SULF2: variants seen among roughly 807,000 people sequenced by gnomAD.
SULF2 encodes sulfatase 2.
A neutral mutation model predicts 107.7 loss-of-function variants in SULF2; 52 were observed. The ratio of observed to expected loss-of-function variants is 0.48; its 90% CI spans 0.39 to 0.61. The LOEUF (loss-of-function observed/expected upper bound fraction) is 0.61. SULF2 is among the 20% of genes least tolerant of loss of function. SULF2 has a pLI of 0.00. For missense variants in SULF2, 993 were observed against 1,177.3 expected, an observed-to-expected ratio of 0.84 and a Z score of 2.29; for synonymous variants, 460 against 464.3, an observed-to-expected ratio of 0.99 and a Z score of 0.12.
intron 3 of SULF2, among the ~76,000 whole-genome samples, chr20:47,702,901 T>C (rs1013696804): frequency 3.9e-5 from 6 of 152,198 alleles, no homozygotes; most frequent in African/African-American, 1.4e-4. Context: ...TAAACACATT[T>C]GCGATACAGT....
intron 3 of SULF2, among the ~76,000 whole-genome samples, chr20:47,718,677 A>G (rs2089197547): frequency 6.6e-6 from 1 of 152,196 alleles, no homozygotes; most frequent in South Asian, 2.1e-4. Flanking sequence ...GAAAGAAGTA[A>G]AGAGAGTCAA....
At chr20:47,696,385 T>A (rs1035642088) in intron 4 of SULF2, among the ~76,000 whole-genome samples, 1 of 125,624 alleles carries the variant, frequency 8.0e-6, no homozygotes, top group Admixed American at 9.1e-5. Flanking sequence ...TCTCATTTGA[T>A]TAGATTACTC....
At position 47,761,422 on chromosome 20, in the gene SULF2, C is replaced by T. The variant is rs913741646; in HGVS notation, c.-100-3959G>A. On this transcript the variant is annotated intron_variant, in intron 1 of 20. Transcript: ENST00000688720. The stretch of plus-strand genomic sequence containing the variant: ...CTTCAGTGATTATTTGCTTAACGTG[C>T]TTCTTTAAATGGCCTCATTTTAAAA... Among the ~76,000 whole-genome samples the T allele has an allele frequency of 3.5e-4, 53 of 152,310 alleles. 1 individual carries two copies. The highest frequency in any genetic ancestry group is 1.1e-3 in the African/African-American group (45 of 41,568).
At chr20:47,713,543 T>C (rs2089003790) in intron 3 of SULF2, among the ~76,000 whole-genome samples, 1 of 151,996 alleles carries the variant, frequency 6.6e-6, no homozygotes, top group African/African-American at 2.4e-5. Flanking sequence ...CCTCAGTGAA[T>C]TCTTCTATAA....
chr20:47,726,909 G>A (rs953122602), intron 3 of SULF2, among the ~76,000 whole-genome samples: 6 of 152,140 alleles, frequency 3.9e-5, no homozygotes, highest in African/African-American at 1.4e-4. Flanking sequence ...GAGATTCCTT[G>A]AGAGAAACCA....
At chr20:47,745,774 C>T (rs2090021352) in intron 2 of SULF2, among the ~76,000 whole-genome samples, 1 of 152,024 alleles carries the variant, frequency 6.6e-6, no homozygotes, top group Non-Finnish European at 1.5e-5. Context: ...AAGTGATCCA[C>T]CTGCCTTGAC....
At chr20:47,728,156 G>C (rs993991427) in intron 3 of SULF2, among the ~76,000 whole-genome samples, 24 of 152,308 alleles carry the variant, frequency 1.6e-4, no homozygotes, top group African/African-American at 4.6e-4. Context: ...AGGCCGGAGA[G>C]GGGGAGGGAA....
chr20:47,698,389 G>A (rs2088454888), intron 4 of SULF2, among the ~76,000 whole-genome samples: 2 of 152,160 alleles, frequency 1.3e-5, no homozygotes, highest in African/African-American at 4.8e-5. Flanking sequence ...GACAGACATG[G>A]GACTGATCCA....
At chr20:47,760,201 C>T (rs923524055) in intron 1 of SULF2, among the ~76,000 whole-genome samples, 1 of 152,212 alleles carries the variant, frequency 6.6e-6, no homozygotes, top group Non-Finnish European at 1.5e-5. Flanking sequence ...GGAAGGGTCA[C>T]TCCTGCTCCA....
At chr20:47,667,708 A>G (rs2146419957) in intron 11 of SULF2, among the ~76,000 whole-genome samples, 1 of 152,250 alleles carries the variant, frequency 6.6e-6, no homozygotes, top group African/African-American at 2.4e-5. Context: ...ATCCTTCTCC[A>G]GATGTGCCTC....
chr20:47,724,306 C>A (rs1022883256), intron 3 of SULF2, among the ~76,000 whole-genome samples: 11 of 152,198 alleles, frequency 7.2e-5, no homozygotes, highest in African/African-American at 2.7e-4. Context: ...ATCGCCAGGG[C>A]GAGAGGCGAG....
chr20:47,744,839 C>A (rs755629230), intron 2 of SULF2, among the ~76,000 whole-genome samples: 13 of 152,110 alleles, frequency 8.5e-5, no homozygotes, highest in Non-Finnish European at 1.9e-4. Context: ...AAGGGGGCAC[C>A]ACACACCCCT....
intron 2 of SULF2, among the ~76,000 whole-genome samples, chr20:47,738,093 G>C (rs1450386860): frequency 2.0e-5 from 3 of 152,124 alleles, no homozygotes; most frequent in African/African-American, 7.2e-5. Context: ...AAGACACTTA[G>C]GAAGAAAGGC....
At chr20:47,683,633 C>T (rs2087902725) in intron 6 of SULF2, among the ~76,000 whole-genome samples, 1 of 152,240 alleles carries the variant, frequency 6.6e-6, no homozygotes, top group South Asian at 2.1e-4. Flanking sequence ...GTGTTAATGT[C>T]TGCACTGTCC....
upstream of SULF2, chr20:47,786,003 G>T (rs936966245): frequency 1.3e-5 from 2 of 152,154 alleles, no homozygotes; most frequent in Non-Finnish European, 2.9e-5. Flanking sequence ...CGCGCTCCCG[G>T]CGCCGAGCGC....
intron 18 of SULF2, chr20:47,661,547 C>A: frequency 2.6e-6 from 1 of 380,520 alleles, no homozygotes; most frequent in Non-Finnish European, 4.9e-6. Flanking sequence ...GACGGAATTC[C>A]GTGTGTTTCC....
At chr20:47,664,615 T>G (rs954171524) in intron 14 of SULF2, among the ~76,000 whole-genome samples, 10 of 152,232 alleles carry the variant, frequency 6.6e-5, no homozygotes, top group Non-Finnish European at 1.2e-4. Context: ...GGGAAGCCTG[T>G]GTTTTGCAAC....
At chr20:47,659,544 T>C (rs2086998986) in intron 19 of SULF2, 92 bp from the exon 20 acceptor site, 2 of 1,445,588 alleles carry the variant, frequency 1.4e-6, no homozygotes, top group Non-Finnish European at 1.9e-6. Context: ...GTCTCCTAGG[T>C]GACACCTATC....
rs776470368 is a variant in SULF2 at position 47,666,057 on chromosome 20, C to T, written c.1806-104G>A. 3.1e-6 allele frequency: 5 copies of T among 1,595,306 alleles called. No individual in the cohort carries two copies. The highest frequency in any genetic ancestry group is 4.3e-6 in the Non-Finnish European group (5 of 1,164,586). On this transcript the variant is annotated intron_variant, in intron 12 of 20. Coordinates refer to ENST00000688720, the MANE Select transcript of SULF2 (RefSeq NM_001387048.1). The surrounding 1 kb of genome is among the most constrained non-coding windows in gnomAD (Gnocchi z 5.4). The stretch of plus-strand genomic sequence containing the variant: ...CCCTTGCCGAGGTCTGTCCTGTCCC[C>T]TTCACCCTCGACTTCCACCTGGACA...
Sources: gnomAD v4.1 joint callset for allele counts (sites outside exome capture counted in the v4.1 genomes callset) on GRCh38, gnomAD v4.1.1 for gene constraint, Gnocchi (gnomAD v3.1) non-coding constraint, MANE v1.5 for transcripts, NCBI Gene and HGNC (gene_info 2026-07-23, HGNC 2026-07-21) for gene names.